Variants in TSEN2 observed in about 807,000 individuals in gnomAD.
The protein encoded by TSEN2 is tRNA-splicing endonuclease subunit Sen2.
Under a neutral mutation model 59.2 loss-of-function variants are expected in TSEN2, and 54 were observed. The ratio of observed to expected loss-of-function variants is 0.91; its 90% CI spans 0.73 to 1.14. The LOEUF (loss-of-function observed/expected upper bound fraction) is 1.14, where lower values mean the gene tolerates loss of function less well. Ranked by LOEUF, TSEN2 falls within the 50% of genes most tolerant of loss-of-function variation. TSEN2 has a pLI of 0.00. For missense variants in TSEN2, 636 were observed against 576.2 expected (o/e 1.10, Z -1.06); for synonymous variants, 195 against 198.2 (o/e 0.98, Z 0.14).
At chr3:12,513,101 A>C (rs553456698) in intron 6 of TSEN2, among the ~76,000 whole-genome samples, 1 of 152,368 alleles carries the variant, frequency 6.6e-6, no homozygotes, top group East Asian at 1.9e-4. Flanking sequence ...ATCTGTAGTA[A>C]GTGCCTAGTC....
At chr3:12,528,257 G>T (rs1335562258) in intron 8 of TSEN2, among the ~76,000 whole-genome samples, 1 of 152,138 alleles carries the variant, frequency 6.6e-6, no homozygotes, top group East Asian at 1.9e-4. Flanking sequence ...ACACCTCTCA[G>T]TATGATTCAC....
rs115308863 is a variant in TSEN2, at chr3:12,524,649, C to T, written c.1100-4239C>T. Among the ~76,000 whole-genome samples the T allele has an allele frequency of 8.7e-3, 1,327 of 152,106 alleles. 26 individuals are homozygous for T. The highest frequency in any genetic ancestry group is 0.03 in the African/African-American group (1,228 of 41,508). On this transcript the variant is annotated intron_variant, in intron 8 of 11. Coordinates refer to ENST00000284995, the MANE Select transcript of TSEN2 (RefSeq NM_025265.4). ...GACTCTTTTTCCAAGTCACATTCCA[C>T]ATTCCAGGTCACATTCACAAGTCAG...
At chr3:12,498,386 ATC>A (rs1256050256) in intron 4 of TSEN2, among the ~76,000 whole-genome samples, 1 of 152,136 alleles carries the variant, frequency 6.6e-6, no homozygotes, top group Admixed American at 6.6e-5. Flanking sequence ...ATTCAGATAT[ATC>A]TCTCTTCCTT....
intron 4 of TSEN2, among the ~76,000 whole-genome samples, chr3:12,502,288 G>A (rs956715956): frequency 5.9e-5 from 9 of 152,206 alleles, no homozygotes; most frequent in African/African-American, 2.2e-4. Context: ...GCTTACACCT[G>A]TAATCCCAGC....
intron 1 of TSEN2, among the ~76,000 whole-genome samples, chr3:12,487,020 A>G (rs1287416228): frequency 2.0e-5 from 3 of 152,214 alleles, no homozygotes; most frequent in South Asian, 2.1e-4. Flanking sequence ...TTTTCCATGA[A>G]CATATGTTTT....
At chr3:12,523,961 T>C (rs532141632) in intron 8 of TSEN2, among the ~76,000 whole-genome samples, 1 of 152,388 alleles carries the variant, frequency 6.6e-6, no homozygotes, top group South Asian at 2.1e-4. Flanking sequence ...ATTTTTCATG[T>C]GTACCTCCAA....
intron 6 of TSEN2, among the ~76,000 whole-genome samples, chr3:12,513,868 C>G (rs2055765552): frequency 6.6e-6 from 1 of 152,172 alleles, no homozygotes. Context: ...AAATGGAACG[C>G]AATGTTCACA....
intron 8 of TSEN2, among the ~76,000 whole-genome samples, chr3:12,527,539 C>A (rs931892635): frequency 1.3e-5 from 2 of 151,424 alleles, no homozygotes; most frequent in African/African-American, 4.9e-5. Context: ...CTGCAAGCTC[C>A]GCCTCCCGGC....
chr3:12,527,370 A>G (rs2057164879), intron 8 of TSEN2, among the ~76,000 whole-genome samples: 1 of 152,216 alleles, frequency 6.6e-6, no homozygotes, highest in Non-Finnish European at 1.5e-5. Context: ...ATGATTAGTT[A>G]CAGGATTGAT....
chr3:12,525,506 A>G (rs2057002799), intron 8 of TSEN2, among the ~76,000 whole-genome samples: 1 of 152,134 alleles, frequency 6.6e-6, no homozygotes, highest in South Asian at 2.1e-4. Context: ...TCTGTAAGAA[A>G]GAGTTTTCCT....
intron 11 of TSEN2, among the ~76,000 whole-genome samples, 170 bp from the exon 12 acceptor site, chr3:12,532,492 G>A (rs935377560): frequency 6.6e-6 from 1 of 152,176 alleles, no homozygotes; most frequent in East Asian, 1.9e-4. Context: ...TGCTTGTAAG[G>A]TTTATATTGT....
At chr3:12,490,054 TC>T in intron 2 of TSEN2, 65 bp downstream of exon 2, 1 of 1,481,004 alleles carries the variant, frequency 6.8e-7, no homozygotes, top group Non-Finnish European at 9.4e-7. Context: ...CCTTTCCTTC[TC>T]CCCATCCCAG....
chr3:12,529,465 C>CAA lies in TSEN2; in HGVS notation c.1137-278_1137-277dup, dbSNP rs36043558. Among the ~76,000 whole-genome samples, 2,507 of 105,330 alleles carry CAA rather than the reference C, an allele frequency of 0.024. 54 individuals are homozygous for CAA. The highest frequency in any genetic ancestry group is 0.034 in the Non-Finnish European group (1,770 of 52,342). 69.1% of individuals were successfully genotyped at this position (105,330 alleles called of 152,430 possible). Reference sequence around the variant, plus strand: ...TGGGTGATAGAGCGAGACTCCGTCTCAAAAAAAAAAAAAAAAAAAATTAGT... The same window carrying CAA: ...TGGGTGATAGAGCGAGACTCCGTCTCAAAAAAAAAAAAAAAAAAAAAATTAGT... On this transcript the variant is annotated intron_variant, in intron 9 of 11. Transcript: ENST00000284995.
chr3:12,490,733 T>C (rs1000977484), intron 2 of TSEN2, among the ~76,000 whole-genome samples: 3 of 152,142 alleles, frequency 2.0e-5, no homozygotes, highest in Non-Finnish European at 4.4e-5. Context: ...CAGAGTTCCC[T>C]TGTGCCCATC....
chr3:12,524,628 C>T (rs2056931188), intron 8 of TSEN2, among the ~76,000 whole-genome samples: 1 of 152,064 alleles, frequency 6.6e-6, no homozygotes, highest in Non-Finnish European at 1.5e-5. Context: ...TGCAAAGACT[C>T]TTTTTCCAAG....
Position 12,510,554 on chromosome 3 carries a change from C to T in TSEN2, c.909+5323C>T, listed in dbSNP as rs150293575. On this transcript the variant is annotated intron_variant, in intron 6 of 11. Coordinates refer to ENST00000284995, the MANE Select transcript of TSEN2 (RefSeq NM_025265.4). Reference sequence around the variant, plus strand: ...GACACACCAGGGTCGGGCGACAGCTCTCCTCGTGCCTGACAGCAGCAGTCT... The same window carrying T: ...GACACACCAGGGTCGGGCGACAGCTTTCCTCGTGCCTGACAGCAGCAGTCT... Among the ~76,000 whole-genome samples, 11 of 152,300 alleles carry T rather than the reference C, an allele frequency of 7.2e-5. No individual in the cohort carries two copies. The East Asian group carries it at 1.2e-3, about 16-fold the overall frequency.
intron 6 of TSEN2, among the ~76,000 whole-genome samples, chr3:12,512,105 A>G (rs1054672775): frequency 6.6e-6 from 1 of 152,232 alleles, no homozygotes; most frequent in African/African-American, 2.4e-5. Flanking sequence ...GATTGAATGT[A>G]GTGTGATATG....
At chr3:12,527,320 C>T (rs923246427) in intron 8 of TSEN2, among the ~76,000 whole-genome samples, 2 of 152,118 alleles carry the variant, frequency 1.3e-5, no homozygotes, top group African/African-American at 4.8e-5. Context: ...TAAAGTCATG[C>T]TACAAATTTG....
downstream of TSEN2, among the ~76,000 whole-genome samples, chr3:12,538,147 C>T (rs1308361827): frequency 1.3e-5 from 2 of 152,164 alleles, no homozygotes; most frequent in Non-Finnish European, 2.9e-5. Context: ...GTTAACTGTG[C>T]TGAAACATGG....
Sources: allele counts gnomAD v4.1 joint callset (sites outside exome capture counted in the v4.1 genomes callset), GRCh38; gene constraint gnomAD v4.1.1; transcripts MANE v1.5; gene names NCBI Gene and HGNC (gene_info 2026-07-23, HGNC 2026-07-21).